Variants in TMEM220 observed in about 807,000 individuals in gnomAD.
The protein encoded by TMEM220 is transmembrane protein 220.
Under a neutral mutation model 21.7 loss-of-function variants are expected in TMEM220, and 21 were observed. The ratio of observed to expected loss-of-function variants is 0.97; its 90% CI spans 0.69 to 1.39. The LOEUF (loss-of-function observed/expected upper bound fraction) is 1.39. Among genes scored for constraint, TMEM220 ranks in the 40% most tolerant of loss-of-function variants. TMEM220 has a pLI of 0.00. For synonymous variants in TMEM220, 80 were observed against 73.6 expected (o/e 1.09, Z -0.45); for missense variants, 191 against 201.9 (o/e 0.95, Z 0.33).
rs766993957 is a variant in TMEM220 at position 10,729,824 on chromosome 17, T to G, written c.28A>C (p.Asn10His). 7.2e-6 allele frequency: 10 copies of G among 1,394,538 alleles called. No individual in the cohort carries two copies. In the South Asian group the frequency reaches 1.5e-4, roughly 21 times the overall value. 86.4% of individuals were successfully genotyped at this position (1,394,538 alleles called of 1,614,324 possible). A position where few individuals can be genotyped will look rare whatever the true frequency, so the allele number is the denominator to read the frequency against. ...GCGAAGAAGGCGGCCATGAGTCCGT[T>G]GCAGGCCCGCCACAGCGCTGGCGCC... MAPALWRACNGLMAAFFALA... is the reference protein window; with the variant it reads MAPALWRACHGLMAAFFALA... Residue 10 changes from asparagine (N) to histidine (H), a missense_variant, in exon 1 of 6, where the codon AAC becomes CAC. Asn to His is a moderately conservative substitution (Grantham distance 68). Transcript: ENST00000341871.
At chr17:10,729,676 T>A in intron 1 of TMEM220, 104 bp downstream of exon 1, 1 of 1,003,770 alleles carries the variant, frequency 1.0e-6, no homozygotes, top group Non-Finnish European at 1.3e-6. Context: ...CCCCACTAAC[T>A]GTGCGCCCCT....
chr17:10,727,222 T>C lies in TMEM220; in HGVS notation c.103-958A>G, dbSNP rs941500442. On this transcript the variant is annotated intron_variant, in intron 2 of 5. Coordinates refer to ENST00000341871, the MANE Select transcript of TMEM220 (RefSeq NM_001004313.3). ...GGGGGTCTCGCTATGTTGCACAGGC[T>C]GGCCTCGAACTCCTGGGCTCAAGTG... Among the ~76,000 whole-genome samples the C allele has an allele frequency of 2.6e-5, 4 of 152,152 alleles. No homozygotes were observed. In the South Asian group the frequency reaches 8.3e-4, roughly 32 times the overall value.
intron 5 of TMEM220, among the ~76,000 whole-genome samples, chr17:10,719,234 A>G (rs541652932): frequency 6.6e-6 from 1 of 152,226 alleles, no homozygotes; most frequent in Non-Finnish European, 1.5e-5. Context: ...CATGTTCTTC[A>G]TAACATTACA....
At chr17:10,723,634 T>TA (rs1469464802) in intron 4 of TMEM220, among the ~76,000 whole-genome samples, 7 of 152,160 alleles carry the variant, frequency 4.6e-5, no homozygotes, top group Admixed American at 4.6e-4. Context: ...AATCCACAGA[T>TA]ACATCACTTT....
At position 10,729,949 on chromosome 17, in the gene TMEM220, G is replaced by A; in HGVS notation, c.-98C>T. ...GCCTTCCTCCTTGCGCGGAGGGACCGAGACCCCCGCCTCGGTTTCGGTGCC... is the reference window on the plus strand; with the variant it reads ...GCCTTCCTCCTTGCGCGGAGGGACCAAGACCCCCGCCTCGGTTTCGGTGCC... On this transcript the variant is annotated 5_prime_UTR_variant, in exon 1 of 6. Transcript: ENST00000341871. 8.1e-7 allele frequency: 1 copy of A among 1,233,962 alleles called. No homozygotes were observed. The highest frequency in any genetic ancestry group is 3.9e-5 in the South Asian group (1 of 25,852). 76.4% of individuals were successfully genotyped at this position (1,233,962 alleles called of 1,614,324 possible).
intron 5 of TMEM220, among the ~76,000 whole-genome samples, chr17:10,721,616 A>G (rs2074990870): frequency 1.9e-5 from 1 of 53,916 alleles, no homozygotes. Flanking sequence ...AAAAAAAAAA[A>G]AAAGAAAAAA....
In TMEM220 at chr17:10,715,348, A is replaced by AACT. The variant is rs10676707; in HGVS notation, c.*104_*105insAGT. On this transcript the variant is annotated 3_prime_UTR_variant, in exon 6 of 6. Coordinates refer to ENST00000341871, the MANE Select transcript of TMEM220 (RefSeq NM_001004313.3). ...TTAAAAAGTTATTTGGAGTTTTAAA[A>AACT]CTATTAGCCCAAATTACCTGAAATA... The AACT allele has an allele frequency of 7.3e-6, 8 of 1,099,042 alleles. No homozygotes were observed. The highest frequency in any genetic ancestry group is 9.0e-6 in the Non-Finnish European group (7 of 778,294). 68.1% of individuals were successfully genotyped at this position (1,099,042 alleles called of 1,614,324 possible).
chr17:10,720,853 G>T (rs2074980017), intron 5 of TMEM220, among the ~76,000 whole-genome samples: 1 of 152,106 alleles, frequency 6.6e-6, no homozygotes, highest in Non-Finnish European at 1.5e-5. Flanking sequence ...GATTGCATTT[G>T]TATTGTAGAA....
At chr17:10,715,924 T>TTTA (rs554617155) in intron 5 of TMEM220, 587 of 354,376 alleles carry the variant, frequency 1.7e-3, no homozygotes, top group African/African-American at 0.011. Context: ...CTCTAGAAGT[T>TTTA]TTGTTTTGCT....
intron 4 of TMEM220, among the ~76,000 whole-genome samples, chr17:10,723,654 G>A (rs79911509): frequency 2.0e-5 from 3 of 152,066 alleles, no homozygotes; most frequent in East Asian, 3.9e-4. Flanking sequence ...TTTTCAGGTC[G>A]CTAGAAGAAA....
downstream of TMEM220, among the ~76,000 whole-genome samples, chr17:10,712,569 CAAAG>C (rs1381652100): frequency 6.6e-6 from 1 of 152,066 alleles, no homozygotes; most frequent in Non-Finnish European, 1.5e-5. Flanking sequence ...TGCTGTCACA[CAAAG>C]AAAGGACTGA....
At chr17:10,718,085 C>T (rs149177286) in intron 5 of TMEM220, among the ~76,000 whole-genome samples, 1 of 152,060 alleles carries the variant, frequency 6.6e-6, no homozygotes, top group Non-Finnish European at 1.5e-5. Flanking sequence ...GCCTCCCAAA[C>T]TGCTGGGATT....
intron 5 of TMEM220, among the ~76,000 whole-genome samples, chr17:10,717,215 A>G (rs1190585083): frequency 1.3e-5 from 2 of 152,232 alleles, no homozygotes; most frequent in Non-Finnish European, 2.9e-5. Flanking sequence ...GACAATAGCT[A>G]GCATGGCATT....
At chr17:10,719,462 T>C (rs2074962634) in intron 5 of TMEM220, among the ~76,000 whole-genome samples, 1 of 152,090 alleles carries the variant, frequency 6.6e-6, no homozygotes, top group South Asian at 2.1e-4. Context: ...GAGACAGGAT[T>C]GCACCATTTG....
chr17:10,717,169 C>A (rs562522018), intron 5 of TMEM220, among the ~76,000 whole-genome samples: 40 of 152,248 alleles, frequency 2.6e-4, no homozygotes, highest in African/African-American at 8.7e-4. Context: ...TTATTTCTTT[C>A]TCTTGCCTTA....
rs775467478 is a variant in TMEM220, at chr17:10,715,519, C to T, written c.417G>A (p.Trp139Ter). Residue 139 changes from tryptophan (W) to a stop codon, truncating the protein, a stop_gained, in exon 6 of 6, where the codon TGG (tryptophan) becomes TGA (stop). Transcript: ENST00000341871. LOFTEE classifies it high-confidence loss of function. ...IVITLFPFIS[W>*]VYIYINKEMR... ...TTTCCTTGTTAATATATATGTAGAC[C>T]CATGAGATAAATGGGAAAAGTGTGA... 2 of 1,605,386 alleles carry T rather than the reference C, an allele frequency of 1.2e-6. No homozygotes were observed. The highest frequency in any genetic ancestry group is 1.7e-5 in the Admixed American group (1 of 57,436).
rs978894028 is a variant in TMEM220 at position 10,726,129 on chromosome 17, G to A, written c.163+75C>T. 9 of 1,232,598 alleles carry A rather than the reference G, an allele frequency of 7.3e-6. No individual in the cohort carries two copies. The African/African-American group carries it at 1.3e-4, about 18-fold the overall frequency. 76.4% of individuals were successfully genotyped at this position (1,232,598 alleles called of 1,614,324 possible). A position where few individuals can be genotyped will look rare whatever the true frequency, so the allele number is the denominator to read the frequency against. On this transcript the variant is annotated intron_variant, in intron 3 of 5. Coordinates refer to ENST00000341871, the MANE Select transcript of TMEM220 (RefSeq NM_001004313.3). ...AGAGAGCCCCGTTTTACTCCTGGGA[G>A]TTGGGCAGATAGACCCTCATTATTA...
intron 2 of TMEM220, among the ~76,000 whole-genome samples, chr17:10,728,184 T>A (rs2075070560): frequency 6.6e-6 from 1 of 151,384 alleles, no homozygotes; most frequent in South Asian, 2.1e-4. Flanking sequence ...AAAAAAGATA[T>A]TTAGAAGATG....
chr17:10,717,988 T>G (rs997239679), intron 5 of TMEM220, among the ~76,000 whole-genome samples: 3 of 151,926 alleles, frequency 2.0e-5, no homozygotes, highest in African/African-American at 7.3e-5. Context: ...GCCCAGCTAA[T>G]TTTTTGTATT....
Sources: allele counts gnomAD v4.1 joint callset (sites outside exome capture counted in the v4.1 genomes callset), GRCh38; gene constraint gnomAD v4.1.1; transcripts MANE v1.5; gene names NCBI Gene and HGNC (gene_info 2026-07-23, HGNC 2026-07-21).